CNGB3: variants seen among roughly 807,000 people sequenced by gnomAD.
CNGB3 encodes cyclic nucleotide-gated channel beta-3.
Under a neutral mutation model 92.8 loss-of-function variants are expected in CNGB3, and 86 were observed. The ratio of observed to expected loss-of-function variants is 0.93; its 90% confidence interval spans 0.78 to 1.11. CNGB3 has a LOEUF of 1.11. CNGB3 is among the 50% of genes least tolerant of loss of function. The pLI is 0.00. For synonymous variants in CNGB3, 333 were observed against 332.7 expected, an observed-to-expected ratio of 1.00 and a Z score of -0.01; for missense variants, 1,026 against 956.8, an observed-to-expected ratio of 1.07 and a Z score of -0.95.
chr8:86,645,222 C>A (rs1394769382), intron 8 of CNGB3, among the ~76,000 whole-genome samples: 1 of 151,250 alleles, frequency 6.6e-6, no homozygotes, highest in East Asian at 1.9e-4. Context: ...AGTTTATGTG[C>A]ATCTGATACA....
intron 2 of CNGB3, among the ~76,000 whole-genome samples, chr8:86,731,702 T>C (rs1289872421): frequency 1.3e-5 from 2 of 152,206 alleles, no homozygotes; most frequent in Non-Finnish European, 2.9e-5. Flanking sequence ...TGGATAAGTC[T>C]CTTTTCTGTA....
chr8:86,706,809 A>G (rs1824660090), intron 3 of CNGB3, among the ~76,000 whole-genome samples: 1 of 152,212 alleles, frequency 6.6e-6, no homozygotes, highest in Admixed American at 6.5e-5. Flanking sequence ...TGTAGAGAGG[A>G]AGTCAAATGC....
At chr8:86,714,874 C>T (rs923522288) in intron 3 of CNGB3, among the ~76,000 whole-genome samples, 6 of 152,030 alleles carry the variant, frequency 3.9e-5, no homozygotes, top group Admixed American at 3.9e-4. Flanking sequence ...GACTGCTTTC[C>T]CCCACTTCCC....
rs755903087 is a variant in CNGB3 at position 86,574,913 on chromosome 8, C to G, written c.*891G>C. 2 of 152,128 alleles carry G rather than the reference C, an allele frequency of 1.3e-5. No homozygotes were observed. Among genetic ancestry groups the G allele is most frequent in the Non-Finnish European group, 2.9e-5 (2 of 68,030 alleles). The allele number at this position is 152,128 out of a possible 1,614,324, so 9.4% of individuals were successfully genotyped here. A position where few individuals can be genotyped will look rare whatever the true frequency, so the allele number is the denominator to read the frequency against. ...TCTGACATGTGTAGAGTCTGCCTTC[C>G]TAACCTCATCACTTTGTTTTACTAA... On this transcript the variant is annotated 3_prime_UTR_variant, in exon 18 of 18. Coordinates refer to ENST00000320005, the MANE Select transcript of CNGB3 (RefSeq NM_019098.5).
chr8:86,659,698 A>G (rs1823594056), intron 6 of CNGB3: 2 of 407,928 alleles, frequency 4.9e-6, no homozygotes, highest in South Asian at 4.0e-5. Context: ...AGTGTAATAC[A>G]GAGCTGTCCA....
rs368979220 is a variant in CNGB3 at position 86,689,409 on chromosome 8, T to C, written c.339-18311A>G. ...CTCCAGGTATTACTGTATTGGGGCC[T>C]ATCTTTCTCTTTAACTCTAATAGTA... On this transcript the variant is annotated intron_variant, in intron 3 of 17. Coordinates refer to ENST00000320005, the MANE Select transcript of CNGB3 (RefSeq NM_019098.5). Among the ~76,000 whole-genome samples the C allele has an allele frequency of 2.0e-5, 3 of 151,790 alleles. No individual in the cohort carries two copies. In the South Asian group the frequency reaches 6.2e-4, roughly 31 times the overall value.
intron 6 of CNGB3, 31 bp from the exon 7 acceptor site, chr8:86,654,093 A>G (rs1563742084): frequency 1.4e-6 from 2 of 1,393,108 alleles, no homozygotes; most frequent in East Asian, 2.3e-5. Flanking sequence ...CATTAATTTT[A>G]GCCAATTTCA....
chr8:86,683,002 C>A (rs1384280218), intron 3 of CNGB3, among the ~76,000 whole-genome samples: 1 of 152,136 alleles, frequency 6.6e-6, no homozygotes, highest in Non-Finnish European at 1.5e-5. Context: ...CAGTGCCTGC[C>A]TGGGAAAATT....
intron 3 of CNGB3, among the ~76,000 whole-genome samples, chr8:86,714,624 A>T (rs1175564153): frequency 6.6e-6 from 1 of 152,160 alleles, no homozygotes; most frequent in Non-Finnish European, 1.5e-5. Flanking sequence ...ACAGGAACAT[A>T]TCAGGAAAAC....
chr8:86,675,699 G>A (rs1823953178), intron 3 of CNGB3, among the ~76,000 whole-genome samples: 2 of 152,118 alleles, frequency 1.3e-5, no homozygotes, highest in South Asian at 4.1e-4. Flanking sequence ...ACAAAAGATG[G>A]CCTAAAATTT....
intron 16 of CNGB3, 38 bp from the exon 17 acceptor site, chr8:86,578,901 G>C (rs1200322766): frequency 1.2e-6 from 2 of 1,612,986 alleles, no homozygotes; most frequent in Non-Finnish European, 1.7e-6. Flanking sequence ...AGGTAACTCT[G>C]TGAGAGTTCT....
chr8:86,626,868 T>G (rs1048821309), intron 12 of CNGB3, among the ~76,000 whole-genome samples: 11 of 152,098 alleles, frequency 7.2e-5, no homozygotes, highest in African/African-American at 2.4e-4. Context: ...ACCTTGTATT[T>G]TAAGTTCTGG....
At chr8:86,635,850 A>G (rs1823057119) in intron 10 of CNGB3, among the ~76,000 whole-genome samples, 2 of 76,042 alleles carry the variant, frequency 2.6e-5, no homozygotes, top group African/African-American at 1.3e-4. Context: ...ATATATATAT[A>G]TATATATATA....
chr8:86,582,863 GA>G (rs1821816300), intron 15 of CNGB3, among the ~76,000 whole-genome samples: 1 of 152,064 alleles, frequency 6.6e-6, no homozygotes, highest in African/African-American at 2.4e-5. Context: ...ATATAGATCA[GA>G]AACTCAGGTC....
rs902189649 is a variant in CNGB3, at chr8:86,665,114, T to C, written c.852+1811A>G. ...CATATTGGACAGTGCGGTGAATCTATATTGATTAAAATGGTCATGACCATA... is the reference window on the plus strand; with the variant it reads ...CATATTGGACAGTGCGGTGAATCTACATTGATTAAAATGGTCATGACCATA... On this transcript the variant is annotated intron_variant, in intron 6 of 17. Coordinates refer to ENST00000320005, the MANE Select transcript of CNGB3 (RefSeq NM_019098.5). 3.9e-5 allele frequency among the ~76,000 whole-genome samples: 6 copies of C among 152,134 alleles called. No individual in the cohort carries two copies. The East Asian group carries it at 9.6e-4, about 24-fold the overall frequency.
At chr8:86,636,514 A>G (rs1823074284) in intron 10 of CNGB3, among the ~76,000 whole-genome samples, 1 of 137,668 alleles carries the variant, frequency 7.3e-6, no homozygotes. Context: ...CGGAGGTTAC[A>G]GTGAGCTGAG....
intron 3 of CNGB3, among the ~76,000 whole-genome samples, chr8:86,724,825 G>A (rs1263361507): frequency 6.6e-6 from 1 of 152,016 alleles, no homozygotes; most frequent in Non-Finnish European, 1.5e-5. Context: ...GCAAAAGCCT[G>A]CGGCAGGAGG....
At chr8:86,632,121 C>A (rs1225853100) in intron 11 of CNGB3, among the ~76,000 whole-genome samples, 2 of 150,866 alleles carry the variant, frequency 1.3e-5, no homozygotes, top group African/African-American at 4.9e-5. Flanking sequence ...ATCCCTTGAG[C>A]CCAGGAGGCT....
chr8:86,730,357 C>T (rs745587483), intron 2 of CNGB3, among the ~76,000 whole-genome samples: 3 of 152,176 alleles, frequency 2.0e-5, no homozygotes, highest in Non-Finnish European at 2.9e-5. Flanking sequence ...AAAAGACACT[C>T]AGTTGGCTTG....
Sources: allele counts gnomAD v4.1 joint callset (sites outside exome capture counted in the v4.1 genomes callset), GRCh38; gene constraint gnomAD v4.1.1; transcripts MANE v1.5; gene names NCBI Gene and HGNC (gene_info 2026-07-23, HGNC 2026-07-21).